The following MSH3 variants were observed in gnomAD, a reference collection of about 807,000 sequenced individuals.
MSH3 encodes the protein mutS homolog 3, also known as DNA mismatch repair protein Msh3.
Under a neutral mutation model 123.3 loss-of-function variants are expected in MSH3, and 106 were observed. That is an observed-to-expected ratio of 0.86 (90% confidence interval 0.73 to 1.01). MSH3 has a LOEUF of 1.01. Ranked by LOEUF, MSH3 falls within the 50% of genes least tolerant of loss-of-function variation. MSH3 has a pLI of 0.00. For missense variants in MSH3, 1,459 were observed against 1,347.6 expected, an observed-to-expected ratio of 1.08 and a Z score of -1.29; for synonymous variants, 515 against 481.4, an observed-to-expected ratio of 1.07 and a Z score of -0.91.
At chr5:80,768,153 C>T in intron 14 of MSH3, 33 bp downstream of exon 14, 1 of 1,574,412 alleles carries the variant, frequency 6.4e-7, no homozygotes, top group Non-Finnish European at 8.7e-7. Context: ...TTCCTTTTCA[C>T]CAGTCAGTAT....
intron 17 of MSH3, among the ~76,000 whole-genome samples, chr5:80,779,209 T>G (rs1744365540): frequency 6.6e-6 from 1 of 152,012 alleles, no homozygotes; most frequent in African/African-American, 2.4e-5. Flanking sequence ...GCCAGGCTGA[T>G]GTTGTACTCC....
intron 18 of MSH3, among the ~76,000 whole-genome samples, chr5:80,788,072 C>A (rs1038019252): frequency 6.6e-6 from 1 of 152,154 alleles, no homozygotes; most frequent in African/African-American, 2.4e-5. Flanking sequence ...CTTTATTGAC[C>A]TCTAAACATC....
intron 20 of MSH3, among the ~76,000 whole-genome samples, chr5:80,834,480 A>G (rs1346223545): frequency 6.7e-6 from 1 of 149,896 alleles, no homozygotes; most frequent in Non-Finnish European, 1.5e-5. Context: ...TTTATGTTAT[A>G]TATATTTATC....
At chr5:80,705,601 C>CT (rs749190770) in intron 8 of MSH3, among the ~76,000 whole-genome samples, 1 of 152,198 alleles carries the variant, frequency 6.6e-6, no homozygotes, top group Non-Finnish European at 1.5e-5. Flanking sequence ...AAAGTGCCAC[C>CT]AACTGAGGGC....
chr5:80,742,740 G>A (rs146341427), intron 11 of MSH3, among the ~76,000 whole-genome samples: 14 of 152,104 alleles, frequency 9.2e-5, no homozygotes, highest in African/African-American at 3.4e-4. Flanking sequence ...CTGTCCTGCC[G>A]GTCTGTCTCG....
chr5:80,750,078 A>AGTGTGCGTGTGTGT (rs138305039), intron 12 of MSH3, among the ~76,000 whole-genome samples: 23 of 134,260 alleles, frequency 1.7e-4, no homozygotes, highest in African/African-American at 6.9e-4. Context: ...AGTATTCCAG[A>AGTGTGCGTGTGTGT]GTGTGTGTGT....
At chr5:80,730,786 A>G (rs1373998675) in intron 10 of MSH3, among the ~76,000 whole-genome samples, 1 of 151,678 alleles carries the variant, frequency 6.6e-6, no homozygotes, top group Non-Finnish European at 1.5e-5. Flanking sequence ...GCAAAGAAGT[A>G]TTAATGTTGG....
chr5:80,702,342 A>G (rs898539521), intron 8 of MSH3, among the ~76,000 whole-genome samples: 31 of 152,218 alleles, frequency 2.0e-4, no homozygotes, highest in East Asian at 9.6e-4. Context: ...GTTGTCCCCA[A>G]CCTTAATGTG....
chr5:80,696,142 A>C (rs912558771), intron 8 of MSH3, among the ~76,000 whole-genome samples: 3 of 152,186 alleles, frequency 2.0e-5, no homozygotes, highest in Non-Finnish European at 4.4e-5. Context: ...CCATCCCCGT[A>C]AGGAGTGAGA....
intron 19 of MSH3, among the ~76,000 whole-genome samples, chr5:80,809,432 A>G (rs1744967676): frequency 6.6e-6 from 1 of 152,226 alleles, no homozygotes; most frequent in Non-Finnish European, 1.5e-5. Context: ...ATAAGTATAA[A>G]TACTCTTATC....
chr5:80,660,024 G>A (rs892310437), intron 2 of MSH3, among the ~76,000 whole-genome samples: 1 of 139,972 alleles, frequency 7.1e-6, no homozygotes, highest in Non-Finnish European at 1.6e-5. Flanking sequence ...AGTTAAGTAC[G>A]TATTTTTGAA....
intron 10 of MSH3, among the ~76,000 whole-genome samples, chr5:80,733,685 A>C (rs1743453460): frequency 6.6e-6 from 1 of 152,152 alleles, no homozygotes; most frequent in Non-Finnish European, 1.5e-5. Flanking sequence ...TTTTCTCCAA[A>C]GGATATATGC....
At position 80,876,251 on chromosome 5, in the gene MSH3, T is replaced by G. The variant is rs546564424; in HGVS notation, c.*389T>G. ...TCTGGCAGGAATCTATCCATTGAACTAAAATAATTTTATTATGCAACCAGT... is the reference window on the plus strand; with the variant it reads ...TCTGGCAGGAATCTATCCATTGAACGAAAATAATTTTATTATGCAACCAGT... On this transcript the variant is annotated 3_prime_UTR_variant, in exon 24 of 24. Transcript: ENST00000265081. 4.2e-6 allele frequency: 1 copy of G among 239,502 alleles called. No individual in the cohort carries two copies. Among genetic ancestry groups the G allele is most frequent in the South Asian group, 1.3e-4 (1 of 7,986 alleles). 14.8% of individuals were successfully genotyped at this position (239,502 alleles called of 1,614,324 possible).
At chr5:80,709,484 C>T (rs1750800991) in intron 8 of MSH3, among the ~76,000 whole-genome samples, 1 of 151,822 alleles carries the variant, frequency 6.6e-6, no homozygotes, top group South Asian at 2.1e-4. Flanking sequence ...TAGCCTAGCG[C>T]AGTGGCGGGT....
rs141433689 is a variant in MSH3 at position 80,705,352 on chromosome 5, G to T, written c.1341-20101G>T. On this transcript the variant is annotated intron_variant, in intron 8 of 23. Transcript: ENST00000265081. ...TGAGTTTTTGGCCTGTGCTAGAGCC[G>T]CTTGTAGCTGCTTGTAAGAATTGAC... Among the ~76,000 whole-genome samples, 568 of 152,298 alleles carry T rather than the reference G, an allele frequency of 3.7e-3. 2 individuals carry two copies. Among genetic ancestry groups the T allele is most frequent in the Middle Eastern group, 0.024 (7 of 294 alleles).
chr5:80,815,671 C>G (rs996173777), intron 20 of MSH3, among the ~76,000 whole-genome samples: 11 of 152,122 alleles, frequency 7.2e-5, no homozygotes, highest in African/African-American at 2.7e-4. Context: ...ATAGCTCCCC[C>G]ACACCCTTTT....
At chr5:80,720,278 G>A (rs994355390) in intron 8 of MSH3, among the ~76,000 whole-genome samples, 3 of 152,220 alleles carry the variant, frequency 2.0e-5, no homozygotes, top group Non-Finnish European at 2.9e-5. Context: ...GGTATGTGAT[G>A]TGTTTTTTAA....
chr5:80,815,374 A>G (rs1332215864), intron 20 of MSH3, among the ~76,000 whole-genome samples: 1 of 148,588 alleles, frequency 6.7e-6, no homozygotes, highest in Non-Finnish European at 1.5e-5. Flanking sequence ...TTTAGTAAAG[A>G]AAAAAAAAAG....
intron 2 of MSH3, among the ~76,000 whole-genome samples, chr5:80,658,528 A>C (rs1325487940): frequency 6.6e-6 from 1 of 152,242 alleles, no homozygotes; most frequent in Non-Finnish European, 1.5e-5. Flanking sequence ...CCACTTGTTA[A>C]AAATGGCACT....
Sources: allele counts gnomAD v4.1 joint callset (sites outside exome capture counted in the v4.1 genomes callset), GRCh38; gene constraint gnomAD v4.1.1; transcripts MANE v1.5; gene names NCBI Gene and HGNC (gene_info 2026-07-23, HGNC 2026-07-21).